The following PDIA5 variants were observed in gnomAD, a reference collection of about 807,000 sequenced individuals.
PDIA5 encodes the protein protein disulfide isomerase family A member 5, also known as protein disulfide-isomerase A5.
In PDIA5, 58 loss-of-function variants were observed where a neutral mutation model predicts 77.6. The ratio of observed to expected loss-of-function variants is 0.75; its 90% confidence interval spans 0.61 to 0.93. The LOEUF is 0.93. Ranked by LOEUF, PDIA5 falls within the 40% of genes least tolerant of loss-of-function variation. The pLI, the probability that PDIA5 is intolerant of heterozygous loss-of-function variation, is 0.00. For missense variants in PDIA5, 630 were observed against 647.7 expected (o/e 0.97, Z 0.30); for synonymous variants, 250 against 252.1 (o/e 0.99, Z 0.08).
At chr3:123,076,382 C>T (rs1038733199) in intron 1 of PDIA5, among the ~76,000 whole-genome samples, 17 of 152,216 alleles carry the variant, frequency 1.1e-4, no homozygotes, top group Non-Finnish European at 2.1e-4. Context: ...TTTTCAACTC[C>T]TGCAAGAACA....
intron 1 of PDIA5, among the ~76,000 whole-genome samples, chr3:123,071,216 C>T (rs1202130272): frequency 2.0e-5 from 3 of 151,912 alleles, no homozygotes; most frequent in South Asian, 2.1e-4. Context: ...AGGAGAATAG[C>T]GAGGCTTAGG....
At chr3:123,116,374 G>A in intron 8 of PDIA5, 76 bp downstream of exon 8, 2 of 1,091,268 alleles carry the variant, frequency 1.8e-6, no homozygotes, top group East Asian at 2.4e-5. Context: ...GGGGTGGGGT[G>A]GGGACAGGTT....
intron 14 of PDIA5, among the ~76,000 whole-genome samples, chr3:123,151,750 G>T (rs368383023): frequency 6.1e-4 from 73 of 118,758 alleles, no homozygotes; most frequent in Middle Eastern, 5.2e-3. Flanking sequence ...CTGCCTGCCT[G>T]CCTGCCTGCC....
At chr3:123,153,386 T>C (rs1258699697) in intron 14 of PDIA5, among the ~76,000 whole-genome samples, 1 of 152,266 alleles carries the variant, frequency 6.6e-6, no homozygotes, top group African/African-American at 2.4e-5. Context: ...GATTGCGCTC[T>C]TTAAGTGTTT....
At chr3:123,150,494 A>G in intron 14 of PDIA5, 130 bp downstream of exon 14, 1 of 802,940 alleles carries the variant, frequency 1.2e-6, no homozygotes, top group Non-Finnish European at 1.9e-6. Flanking sequence ...CTCCATTATG[A>G]ACCAGGCTCT....
At chr3:123,105,527 G>A (rs114888645) in intron 5 of PDIA5, among the ~76,000 whole-genome samples, 27 of 152,296 alleles carry the variant, frequency 1.8e-4, no homozygotes, top group African/African-American at 4.8e-4. Context: ...GCCAGGAGGC[G>A]TTTCACAGCT....
rs533135598 is a variant in PDIA5, at chr3:123,135,354, A to G, written c.910+4738A>G. 1.3e-4 allele frequency among the ~76,000 whole-genome samples: 20 copies of G among 152,234 alleles called. No homozygotes were observed. In the East Asian group the frequency reaches 3.9e-3, roughly 29 times the overall value. On this transcript the variant is annotated intron_variant, in intron 11 of 16. Transcript: ENST00000316218. The stretch of plus-strand genomic sequence containing the variant: ...GTCTCTCCTAGGCCTGTGGACACCC[A>G]TGCAGGTTCTGGGGATCCTGAGGAC...
chr3:123,161,066 C>G (rs532059888), intron 15 of PDIA5, among the ~76,000 whole-genome samples: 13 of 152,188 alleles, frequency 8.5e-5, no homozygotes, highest in Admixed American at 2.6e-4. Context: ...GATCATCATA[C>G]TCTTGATTTT....
At chr3:123,067,887 T>C (rs1933617525) in intron 1 of PDIA5, among the ~76,000 whole-genome samples, 1 of 152,098 alleles carries the variant, frequency 6.6e-6, no homozygotes, top group South Asian at 2.1e-4. Context: ...GCTACCCCCA[T>C]AGGGTGGTTC....
rs751025823 is a variant in PDIA5 at position 123,089,208 on chromosome 3, C to T, written c.83C>T (p.Ser28Leu). The T allele has an allele frequency of 1.7e-5, 27 of 1,613,880 alleles. No individual in the cohort carries two copies. Among genetic ancestry groups the T allele is most frequent in the South Asian group, 8.8e-5 (8 of 91,068 alleles). Residue 28 changes from serine (S) to leucine (L), a missense_variant, in exon 2 of 17, where the codon TCG (serine) becomes TTG (leucine). Ser to Leu is a moderately radical substitution (Grantham distance 145). Coordinates refer to ENST00000316218, the MANE Select transcript of PDIA5 (RefSeq NM_006810.4). ...TGGCTGTCCTCTGCAAAGGTCTCCT[C>T]GCTCATTGAGAGAATCTCTGACCCC... ...PSWLSSAKVS[S>L]LIERISDPKD...
chr3:123,081,666 T>C (rs1934005960), intron 1 of PDIA5, among the ~76,000 whole-genome samples: 2 of 152,248 alleles, frequency 1.3e-5, no homozygotes, highest in African/African-American at 4.8e-5. Flanking sequence ...AATGTTAAAC[T>C]TCTGTTCCCA....
In PDIA5 at chr3:123,129,367, G is replaced by A. The variant is rs141862817; in HGVS notation, c.774-1113G>A. Among the ~76,000 whole-genome samples, 14 of 152,318 alleles carry A rather than the reference G, an allele frequency of 9.2e-5. No homozygotes were observed. In the East Asian group the frequency reaches 2.3e-3, roughly 25 times the overall value. ...CTGGGAGGCCATGGTGGCCAGTGGGGCCCAGTCAGAAGGGCCAGAGAGGGC... is the reference window on the plus strand; with the variant it reads ...CTGGGAGGCCATGGTGGCCAGTGGGACCCAGTCAGAAGGGCCAGAGAGGGC... On this transcript the variant is annotated intron_variant, in intron 10 of 16. Transcript: ENST00000316218.
intron 1 of PDIA5, 27 bp from the exon 2 acceptor site, chr3:123,089,141 C>T: frequency 6.2e-7 from 1 of 1,605,462 alleles, no homozygotes; most frequent in East Asian, 2.2e-5. Flanking sequence ...AGCTGGAACT[C>T]ACAGTCGTTG....
chr3:123,085,598 G>A (rs1934118097), intron 1 of PDIA5, among the ~76,000 whole-genome samples: 1 of 152,126 alleles, frequency 6.6e-6, no homozygotes, highest in Non-Finnish European at 1.5e-5. Flanking sequence ...AGCCTCTAGT[G>A]GTTTCTCTTG....
chr3:123,107,093 C>A (rs1422807588), intron 6 of PDIA5, among the ~76,000 whole-genome samples: 2 of 152,190 alleles, frequency 1.3e-5, no homozygotes, highest in Non-Finnish European at 2.9e-5. Context: ...CATTTGAACA[C>A]GTTTAGATTT....
chr3:123,151,465 TGA>T (rs1324904953), intron 14 of PDIA5, among the ~76,000 whole-genome samples: 3 of 151,810 alleles, frequency 2.0e-5, no homozygotes, highest in African/African-American at 7.3e-5. Flanking sequence ...GTCCAGAGAG[TGA>T]GAGTGTTTTC....
intron 10 of PDIA5, 89 bp from the exon 11 acceptor site, chr3:123,130,390 TG>T: frequency 1.4e-6 from 2 of 1,418,524 alleles, no homozygotes; most frequent in Non-Finnish European, 9.5e-7. Context: ...CCCGAGCCCA[TG>T]GGGAGCTTTG....
chr3:123,137,414 A>ATCTT (rs1195079995), intron 11 of PDIA5, among the ~76,000 whole-genome samples: 1 of 152,046 alleles, frequency 6.6e-6, no homozygotes, highest in Admixed American at 6.6e-5. Context: ...ATAGATATTA[A>ATCTT]TCTTTATCTG....
chr3:123,153,073 C>T (rs914891941), intron 14 of PDIA5, among the ~76,000 whole-genome samples: 1 of 151,966 alleles, frequency 6.6e-6, no homozygotes, highest in African/African-American at 2.4e-5. Flanking sequence ...GCCCTCCCTC[C>T]CATTACTCAT....
Sources: gnomAD v4.1 joint callset for allele counts (sites outside exome capture counted in the v4.1 genomes callset) on GRCh38, gnomAD v4.1.1 for gene constraint, MANE v1.5 for transcripts, NCBI Gene and HGNC (gene_info 2026-07-23, HGNC 2026-07-21) for gene names.